The following MPHOSPH9 variants were observed in gnomAD, a reference collection of about 807,000 sequenced individuals.
MPHOSPH9 encodes the protein M-phase phosphoprotein 9.
MPHOSPH9 carries 88 observed loss-of-function variants against 145.5 expected under a neutral mutation model. The observed-to-expected ratio is 0.60, with a 90% confidence interval of 0.51 to 0.72. The LOEUF is 0.72. MPHOSPH9 is among the 30% of genes least tolerant of loss of function. The probability of loss-of-function intolerance (pLI) is 0.00; values close to 1 mark genes in which losing one functional copy is unlikely to be tolerated. For synonymous variants in MPHOSPH9, 435 were observed against 486.2 expected (o/e 0.89, Z 1.39); for missense variants, 1,238 against 1,386.6 (o/e 0.89, Z 1.70).
chr12:123,163,917 T>C (rs1411809255), intron 19 of MPHOSPH9, 33 bp downstream of exon 19: 5 of 1,611,632 alleles, frequency 3.1e-6, no homozygotes, highest in Non-Finnish European at 4.2e-6. Context: ...ATCACGCTTT[T>C]GAACCCAAGA....
At chr12:123,220,579 CAT>C (rs2047155823) in intron 5 of MPHOSPH9, among the ~76,000 whole-genome samples, 1 of 151,330 alleles carries the variant, frequency 6.6e-6, no homozygotes, top group Non-Finnish European at 1.5e-5. Context: ...AAAAACAAAA[CAT>C]AAAATTGGGT....
At chr12:123,186,953 T>G (rs2045469848) in intron 13 of MPHOSPH9, among the ~76,000 whole-genome samples, 1 of 150,896 alleles carries the variant, frequency 6.6e-6, no homozygotes, top group South Asian at 2.1e-4. Context: ...AGAACAAGAT[T>G]CCATCTCAAA....
At chr12:123,206,278 T>C (rs573904669) in intron 8 of MPHOSPH9, among the ~76,000 whole-genome samples, 22 of 140,926 alleles carry the variant, frequency 1.6e-4, no homozygotes, top group South Asian at 7.5e-4. Context: ...TAGAGAGACC[T>C]TGCCTCTACT....
chr12:123,186,242 A>C (rs1214385774), intron 13 of MPHOSPH9, among the ~76,000 whole-genome samples: 1 of 151,438 alleles, frequency 6.6e-6, no homozygotes, highest in Non-Finnish European at 1.5e-5. Context: ...AAAAAAAAAA[A>C]AAAAAAAAAG....
Position 123,156,677 on chromosome 12 carries a change from G to C in MPHOSPH9, c.*130C>G. ...CCATTTGAAGTATAAAATAGCAAGT[G>C]TAAGAATAGCATGATTGTAAAACTA... On this transcript the variant is annotated 3_prime_UTR_variant, in exon 24 of 24. Coordinates refer to ENST00000606320, the MANE Select transcript of MPHOSPH9 (RefSeq NM_022782.4). 1.8e-6 allele frequency: 1 copy of C among 545,846 alleles called. No homozygotes were observed. The highest frequency in any genetic ancestry group is 4.4e-5 in the South Asian group (1 of 22,722). 33.8% of individuals were successfully genotyped at this position (545,846 alleles called of 1,614,324 possible). A position where few individuals can be genotyped will look rare whatever the true frequency, so the allele number is the denominator to read the frequency against.
chr12:123,179,419 C>T (rs2045022081), intron 15 of MPHOSPH9, among the ~76,000 whole-genome samples: 1 of 152,020 alleles, frequency 6.6e-6, no homozygotes, highest in South Asian at 2.1e-4. Flanking sequence ...ATCAAAAATA[C>T]AAAAAATTAG....
At chr12:123,243,125 C>T (rs1234514197) in intron 1 of MPHOSPH9, among the ~76,000 whole-genome samples, 1 of 152,172 alleles carries the variant, frequency 6.6e-6, no homozygotes, top group Non-Finnish European at 1.5e-5. Flanking sequence ...ACATTTCATA[C>T]ACATTAAACA....
chr12:123,153,764 CAAAAAA>C (rs57564688), downstream of MPHOSPH9, among the ~76,000 whole-genome samples: 13 of 109,340 alleles, frequency 1.2e-4, no homozygotes, highest in South Asian at 2.8e-4. Flanking sequence ...GACTCCATCT[CAAAAAA>C]AAAAAAAAAA....
At chr12:123,206,638 G>A (rs904323113) in intron 8 of MPHOSPH9, among the ~76,000 whole-genome samples, 3 of 152,000 alleles carry the variant, frequency 2.0e-5, no homozygotes, top group Non-Finnish European at 4.4e-5. Flanking sequence ...AATAAGCCAG[G>A]CACAGTGGCT....
upstream of MPHOSPH9, among the ~76,000 whole-genome samples, chr12:123,236,572 G>A (rs1476626486): frequency 2.0e-5 from 3 of 150,794 alleles, no homozygotes; most frequent in African/African-American, 7.3e-5. Flanking sequence ...CCACTTGGGT[G>A]ACAGAGGGAG....
chr12:123,243,454 C>T (rs181315519), intron 1 of MPHOSPH9, among the ~76,000 whole-genome samples: 2 of 151,726 alleles, frequency 1.3e-5, no homozygotes, highest in East Asian at 1.9e-4. Context: ...GGCGTGAACC[C>T]GGGAGGCGGA....
chr12:123,194,849 T>C (rs1218369133), intron 12 of MPHOSPH9, among the ~76,000 whole-genome samples: 1 of 151,982 alleles, frequency 6.6e-6, no homozygotes, highest in African/African-American at 2.4e-5. Context: ...CTCAAACTCC[T>C]GACCTCAAGT....
intron 13 of MPHOSPH9, among the ~76,000 whole-genome samples, chr12:123,183,515 C>A: frequency 7.2e-6 from 1 of 138,386 alleles, no homozygotes. Context: ...GCCACTGCAC[C>A]CCAGCCAAGG....
intron 7 of MPHOSPH9, among the ~76,000 whole-genome samples, chr12:123,210,627 G>C (rs574878666): frequency 1.3e-5 from 2 of 152,170 alleles, no homozygotes; most frequent in East Asian, 3.9e-4. Flanking sequence ...AGGAGACAGA[G>C]GTTGTAGTGA....
intron 1 of MPHOSPH9, among the ~76,000 whole-genome samples, chr12:123,241,142 T>TG (rs1245805528): frequency 1.3e-4 from 14 of 105,096 alleles, no homozygotes; most frequent in South Asian, 7.1e-4. Flanking sequence ...TTTGGGGTTG[T>TG]TTTTTTTTTG....
intron 16 of MPHOSPH9, among the ~76,000 whole-genome samples, chr12:123,173,824 A>C (rs556653443): frequency 6.6e-6 from 1 of 152,292 alleles, no homozygotes; most frequent in South Asian, 2.1e-4. Flanking sequence ...ATCATCTGTA[A>C]TAAGTTGGTA....
intron 11 of MPHOSPH9, among the ~76,000 whole-genome samples, chr12:123,198,916 T>C (rs1237562643): frequency 6.6e-6 from 1 of 151,602 alleles, no homozygotes; most frequent in Non-Finnish European, 1.5e-5. Context: ...AATCTGTATC[T>C]ATATATATGC....
upstream of MPHOSPH9, among the ~76,000 whole-genome samples, chr12:123,235,085 T>C (rs1027480045): frequency 2.6e-5 from 4 of 152,062 alleles, no homozygotes; most frequent in Non-Finnish European, 4.4e-5. Context: ...AAGACAACAG[T>C]GTATGTGGTG....
At chr12:123,218,524 T>C (rs367742107) in intron 5 of MPHOSPH9, 25 bp from the exon 6 acceptor site, 20 of 1,606,282 alleles carry the variant, frequency 1.2e-5, no homozygotes, top group Non-Finnish European at 1.6e-5. Context: ...AAAACCAAAA[T>C]TACTTTTTTT....
Sources: allele counts gnomAD v4.1 joint callset (sites outside exome capture counted in the v4.1 genomes callset), GRCh38; gene constraint gnomAD v4.1.1; transcripts MANE v1.5; gene names NCBI Gene and HGNC (gene_info 2026-07-23, HGNC 2026-07-21).